The following SLC38A11 variants were observed in gnomAD, a reference collection of about 807,000 sequenced individuals.
SLC38A11 encodes the protein putative sodium-coupled neutral amino acid transporter 11.
A neutral mutation model predicts 49.4 loss-of-function variants in SLC38A11; 51 were observed. That is an observed-to-expected ratio of 1.03 (90% CI 0.83 to 1.30). SLC38A11 has a LOEUF of 1.30. Ranked by LOEUF, SLC38A11 falls within the 50% of genes most tolerant of loss-of-function variation. The pLI, the probability that SLC38A11 is intolerant of heterozygous loss-of-function variation, is 0.00. For synonymous variants in SLC38A11, 203 were observed against 192.9 expected (o/e 1.05, Z -0.43); for missense variants, 574 against 556.2 (o/e 1.03, Z -0.32).
intron 1 of SLC38A11, among the ~76,000 whole-genome samples, 171 bp downstream of exon 1, chr2:164,955,038 T>C: frequency 1.1e-5 from 1 of 88,688 alleles, no homozygotes; most frequent in East Asian, 6.5e-4. Context: ...TTAAAGTGCC[T>C]GCTAAGAAAA....
chr2:164,912,886 G>A (rs1481298814), intron 9 of SLC38A11, among the ~76,000 whole-genome samples: 4 of 151,822 alleles, frequency 2.6e-5, no homozygotes, highest in Non-Finnish European at 5.9e-5. Flanking sequence ...GTAGTCCATG[G>A]AAGAAATAAA....
chr2:164,946,640 T>C (rs915108195), intron 3 of SLC38A11, among the ~76,000 whole-genome samples: 2 of 151,964 alleles, frequency 1.3e-5, no homozygotes, highest in African/African-American at 2.4e-5. Context: ...ACAGAAATTA[T>C]ATAATGAAAA....
In SLC38A11 at chr2:164,898,599, C is replaced by G. The variant is rs1233878064; in HGVS notation, c.1227G>C (p.Met409Ile). 5.0e-6 allele frequency: 8 copies of G among 1,613,446 alleles called. No homozygotes were observed. Among genetic ancestry groups the G allele is most frequent in the Non-Finnish European group, 6.8e-6 (8 of 1,179,724 alleles). ...CVMLPIGAVVMVFGFVMAITN... is the reference protein window; with the variant it reads ...CVMLPIGAVVIVFGFVMAITN... The stretch of plus-strand genomic sequence containing the variant: ...TAATAGCCATGACGAATCCAAAAAC[C>G]ATCACCACAGCACCAATGGGAAGCA... Residue 409 changes from methionine (M) to isoleucine (I), a missense_variant, in exon 12 of 12, where the codon ATG becomes ATC. Coordinates refer to ENST00000685975, the MANE Select transcript of SLC38A11 (RefSeq NM_001351537.2).
intron 11 of SLC38A11, among the ~76,000 whole-genome samples, chr2:164,906,614 C>T (rs1685025308): frequency 6.6e-6 from 1 of 151,802 alleles, no homozygotes; most frequent in Non-Finnish European, 1.5e-5. Flanking sequence ...AGTAGTGATC[C>T]ATCTACACAA....
rs531139727 is a variant in SLC38A11, at chr2:164,941,560, A to T, written c.431-2004T>A. Among the ~76,000 whole-genome samples, 3 of 152,278 alleles carry T rather than the reference A, an allele frequency of 2.0e-5. No homozygotes were observed. The South Asian group carries it at 6.2e-4, about 32-fold the overall frequency. On this transcript the variant is annotated intron_variant, in intron 5 of 11. Coordinates refer to ENST00000685975, the MANE Select transcript of SLC38A11 (RefSeq NM_001351537.2). ...TCTTTGCCATATGAACTACATTTTT[A>T]AAAAGTCATTTTTGATTATTACAAA...
intron 5 of SLC38A11, among the ~76,000 whole-genome samples, chr2:164,942,871 T>G (rs181791980): frequency 3.7e-4 from 56 of 152,326 alleles, no homozygotes; most frequent in South Asian, 2.7e-3. Context: ...GATATTCTGA[T>G]TCATAATTTA....
chr2:164,921,796 T>G (rs1343854904), intron 7 of SLC38A11, among the ~76,000 whole-genome samples: 1 of 152,218 alleles, frequency 6.6e-6, no homozygotes, highest in Non-Finnish European at 1.5e-5. Context: ...TGATTCGTGT[T>G]TCAAAATATT....
Position 164,955,264 on chromosome 2 carries a change from T to C in SLC38A11, c.-17A>G. On this transcript the variant is annotated 5_prime_UTR_variant, in exon 1 of 12. Coordinates refer to ENST00000685975, the MANE Select transcript of SLC38A11 (RefSeq NM_001351537.2). ...GTAGCCCATGGCTGAGCGGTGGTCC[T>C]CAGCAGGTGGAAGATGCTGGGGCTG... 1 of 1,550,154 alleles carries C rather than the reference T, an allele frequency of 6.5e-7. No individual in the cohort carries two copies. The highest frequency in any genetic ancestry group is 8.7e-7 in the Non-Finnish European group (1 of 1,146,684).
chr2:164,907,432 C>G (rs1484262407), intron 11 of SLC38A11, among the ~76,000 whole-genome samples: 1 of 151,762 alleles, frequency 6.6e-6, no homozygotes, highest in African/African-American at 2.4e-5. Context: ...TGCCACCAAA[C>G]CCGGCTAATT....
At chr2:164,940,554 T>A (rs989544806) in intron 5 of SLC38A11, among the ~76,000 whole-genome samples, 3 of 151,340 alleles carry the variant, frequency 2.0e-5, no homozygotes, top group African/African-American at 7.2e-5. Flanking sequence ...AATAAGTGAA[T>A]GATTGTGGTA....
intron 9 of SLC38A11, among the ~76,000 whole-genome samples, 162 bp downstream of exon 9, chr2:164,914,950 A>G (rs1685666107): frequency 6.6e-6 from 1 of 151,918 alleles, no homozygotes; most frequent in Admixed American, 6.6e-5. Flanking sequence ...AAAGGTAAAA[A>G]CTAGGAAACA....
chr2:164,929,622 A>G (rs943015942), intron 7 of SLC38A11, among the ~76,000 whole-genome samples: 1 of 152,178 alleles, frequency 6.6e-6, no homozygotes, highest in Admixed American at 6.5e-5. Context: ...AAGAGAGACG[A>G]TGTCTGATTT....
At chr2:164,906,454 C>T (rs1685013489) in intron 11 of SLC38A11, among the ~76,000 whole-genome samples, 2 of 152,096 alleles carry the variant, frequency 1.3e-5, no homozygotes, top group South Asian at 4.1e-4. Context: ...GTGTCCTTAG[C>T]CCTGTGCCAA....
At chr2:164,902,267 C>T (rs188229140) in intron 11 of SLC38A11, among the ~76,000 whole-genome samples, 5 of 152,132 alleles carry the variant, frequency 3.3e-5, no homozygotes, top group African/African-American at 4.8e-5. Flanking sequence ...GTGATCCTCT[C>T]GCCTTAGCCT....
chr2:164,902,639 A>G (rs939795702), intron 11 of SLC38A11, among the ~76,000 whole-genome samples: 1 of 152,152 alleles, frequency 6.6e-6, no homozygotes, highest in Non-Finnish European at 1.5e-5. Flanking sequence ...GGATGATGTA[A>G]AATTATAAAT....
intron 3 of SLC38A11, among the ~76,000 whole-genome samples, chr2:164,952,385 C>A (rs1419190145): frequency 6.6e-6 from 1 of 152,178 alleles, no homozygotes; most frequent in African/African-American, 2.4e-5. Flanking sequence ...TCTGCACTTT[C>A]AGAGCACAGT....
In SLC38A11 at chr2:164,898,665, T is replaced by C; in HGVS notation, c.1161A>G (p.Glu387=). 2 of 1,613,526 alleles carry C rather than the reference T, an allele frequency of 1.2e-6. No individual in the cohort carries two copies. Among genetic ancestry groups the C allele is most frequent in the Non-Finnish European group, 1.7e-6 (2 of 1,179,668 alleles). The change falls in exon 12 of 12, where the codon GAA becomes GAG. Residue 387 remains glutamate, a synonymous_variant. Transcript: ENST00000685975. ...IPSACYLKLS[E]EPRTHSDKIM... is the part of the protein sequence containing the mutation. The stretch of plus-strand genomic sequence containing the variant: ...TCTTATCGGAGTGTGTCCTTGGTTC[T>C]TCAGACAGTTTCAGATAACAGGCTG...
Position 164,898,571 on chromosome 2 carries a change from T to C in SLC38A11, c.1255A>G (p.Asn419Asp), listed in dbSNP as rs1684450666. The C allele has an allele frequency of 2.5e-6, 4 of 1,613,658 alleles. No individual in the cohort carries two copies. The highest frequency in any genetic ancestry group is 3.4e-6 in the Non-Finnish European group (4 of 1,179,750). ...MVFGFVMAIT[N>D]TQDCTHGQEM... ...TGCCCATGGGTGCAGTCTTGAGTATTTGTAATAGCCATGACGAATCCAAAA... is the reference window on the plus strand; with the variant it reads ...TGCCCATGGGTGCAGTCTTGAGTATCTGTAATAGCCATGACGAATCCAAAA... Residue 419 changes from asparagine to aspartate, a missense_variant, in exon 12 of 12, where the codon AAT (asparagine) becomes GAT (aspartate). Coordinates refer to ENST00000685975, the MANE Select transcript of SLC38A11 (RefSeq NM_001351537.2).
rs973691566 is a variant in SLC38A11, at chr2:164,896,233, C to A, written c.*2204G>T. The A allele has an allele frequency of 5.3e-5, 8 of 152,088 alleles. No individual in the cohort carries two copies. Among genetic ancestry groups the A allele is most frequent in the African/African-American group, 1.9e-4 (8 of 41,426 alleles). 9.4% of individuals were successfully genotyped at this position (152,088 alleles called of 1,614,324 possible). On this transcript the variant is annotated 3_prime_UTR_variant, in exon 12 of 12. Coordinates refer to ENST00000685975, the MANE Select transcript of SLC38A11 (RefSeq NM_001351537.2). ...TTATAATTTGAAAGATGTCGGTAAT[C>A]CGTGCAGCTAATAACTGGGTCATAA...
Sources: allele counts gnomAD v4.1 joint callset (sites outside exome capture counted in the v4.1 genomes callset), GRCh38; gene constraint gnomAD v4.1.1; transcripts MANE v1.5; gene names NCBI Gene and HGNC (gene_info 2026-07-23, HGNC 2026-07-21).